Variants in TSPAN8 observed in about 807,000 individuals in gnomAD.
TSPAN8 encodes tetraspanin 8, also known as tetraspanin-8.
TSPAN8 carries 21 observed loss-of-function variants against 32.8 expected under a neutral mutation model. The ratio of observed to expected loss-of-function variants is 0.64; its 90% CI spans 0.45 to 0.92. TSPAN8 has a LOEUF of 0.92. Ranked by LOEUF, TSPAN8 falls within the 40% of genes least tolerant of loss-of-function variation. The pLI, the probability that TSPAN8 is intolerant of heterozygous loss-of-function variation, is 0.00. For missense variants in TSPAN8, 269 were observed against 281.9 expected (o/e 0.95, Z 0.33); for synonymous variants, 95 against 94.6 (o/e 1.00, Z -0.03).
Position 71,125,342 on chromosome 12 carries a change from T to C in TSPAN8, c.706A>G (p.Asn236Asp). 1 of 1,612,530 alleles carries C rather than the reference T, an allele frequency of 6.2e-7. No homozygotes were observed. The highest frequency in any genetic ancestry group is 8.5e-7 in the Non-Finnish European group (1 of 1,179,350). The change falls in exon 9 of 9, where the codon AAC becomes GAC. Residue 236 changes from asparagine to aspartate, a missense_variant. Transcript: ENST00000247829. ...TTGATGCATCCACAGATTCATTTGT[T>C]CCCGATCTGGCAATACAGGACCATA... ...FSMVLYCQIG[N>D]K
intron 2 of TSPAN8, among the ~76,000 whole-genome samples, chr12:71,149,429 T>C (rs1872177207): frequency 6.6e-6 from 1 of 151,926 alleles, no homozygotes; most frequent in Admixed American, 6.6e-5. Flanking sequence ...CCTGATGTAG[T>C]TCTGATCTAC....
At chr12:71,145,527 T>C (rs557542928) in intron 2 of TSPAN8, among the ~76,000 whole-genome samples, 2 of 152,140 alleles carry the variant, frequency 1.3e-5, no homozygotes, top group South Asian at 4.2e-4. Flanking sequence ...AAAATACAAA[T>C]GATTAAAAAA....
At position 71,144,109 on chromosome 12, in the gene TSPAN8, A is replaced by G. The variant is rs747941161; in HGVS notation, c.123+42T>C. On this transcript the variant is annotated intron_variant, in intron 3 of 8. Coordinates refer to ENST00000247829, the MANE Select transcript of TSPAN8 (RefSeq NM_004616.3). ...TAACTTTCATTATTATAAATGAAAT[A>G]AACTACATTGGGGAAAGGGTGACTT... is the stretch of plus-strand genomic sequence containing the variant. The G allele has an allele frequency of 5.1e-6, 8 of 1,553,778 alleles. No individual in the cohort carries two copies. The South Asian group carries it at 8.1e-5, about 16-fold the overall frequency.
At chr12:71,153,518 C>T (rs1299643606) in intron 2 of TSPAN8, among the ~76,000 whole-genome samples, 1 of 152,204 alleles carries the variant, frequency 6.6e-6, no homozygotes, top group South Asian at 2.1e-4. Flanking sequence ...ATCGGCTCTA[C>T]TTTGCAAAGG....
intron 3 of TSPAN8, among the ~76,000 whole-genome samples, chr12:71,140,719 C>T (rs1052132560): frequency 6.6e-6 from 1 of 152,198 alleles, no homozygotes; most frequent in Non-Finnish European, 1.5e-5. Flanking sequence ...CCTCAGCCAC[C>T]TCTTGTCCTC....
At chr12:71,142,253 G>T (rs1023196240) in intron 3 of TSPAN8, among the ~76,000 whole-genome samples, 1 of 152,130 alleles carries the variant, frequency 6.6e-6, no homozygotes, top group African/African-American at 2.4e-5. Flanking sequence ...GAGTCAAAAC[G>T]TAACTAAAGA....
At chr12:71,138,392 G>T (rs532019671) in intron 4 of TSPAN8, among the ~76,000 whole-genome samples, 162 bp from the exon 5 acceptor site, 1 of 152,106 alleles carries the variant, frequency 6.6e-6, no homozygotes, top group Non-Finnish European at 1.5e-5. Flanking sequence ...TGAAAATTTT[G>T]GGTTCATTAC....
chr12:71,141,542 T>G (rs1369577936), intron 3 of TSPAN8, among the ~76,000 whole-genome samples: 1 of 151,798 alleles, frequency 6.6e-6, no homozygotes, highest in African/African-American at 2.4e-5. Flanking sequence ...AAATAATAGT[T>G]CAAATATCTA....
At chr12:71,128,863 A>G (rs540261488) in intron 8 of TSPAN8, among the ~76,000 whole-genome samples, 18 of 152,296 alleles carry the variant, frequency 1.2e-4, no homozygotes, top group Admixed American at 2.0e-4. Flanking sequence ...CTAGAATGTA[A>G]TAAGTAACAA....
At chr12:71,145,064 T>C (rs11178656) in intron 2 of TSPAN8, among the ~76,000 whole-genome samples, 11,191 of 152,096 alleles carry the variant, frequency 0.074, 932 homozygotes, top group East Asian at 0.27. Context: ...ACAGCAGGCC[T>C]TGGGGGACTT....
At chr12:71,139,660 A>G (rs773842371) in intron 4 of TSPAN8, 51 bp downstream of exon 4, 1 of 1,593,212 alleles carries the variant, frequency 6.3e-7, no homozygotes, top group South Asian at 1.1e-5. Context: ...GATGGGAGAG[A>G]ATCCTCTGGA....
intron 2 of TSPAN8, among the ~76,000 whole-genome samples, chr12:71,148,494 A>G (rs1036847756): frequency 1.3e-5 from 2 of 152,218 alleles, no homozygotes; most frequent in Non-Finnish European, 2.9e-5. Context: ...ATTTAGGCAT[A>G]GATGTCTTCT....
In TSPAN8 at chr12:71,138,174, T is replaced by A. The variant is rs1393698275; in HGVS notation, c.318A>T (p.Gly106=). Residue 106 remains glycine, a synonymous_variant, in exon 5 of 9, where the codon GGA becomes GGT. Transcript: ENST00000247829. ...LLLQVATGIL[G]AVFKSKSDRI... ...CACACACCTTAGATTTGAAAACAGC[T>A]CCTAGGATACCTGTCGCCACCTGCA... 1.2e-6 allele frequency: 2 copies of A among 1,613,802 alleles called. No individual in the cohort carries two copies. The highest frequency in any genetic ancestry group is 3.3e-5 in the Admixed American group (2 of 59,976).
Position 71,125,135 on chromosome 12 carries a change from A to T in TSPAN8, c.*199T>A. The T allele has an allele frequency of 4.1e-6, 2 of 483,698 alleles. No individual in the cohort carries two copies. Among genetic ancestry groups the T allele is most frequent in the Non-Finnish European group, 7.3e-6 (2 of 272,544 alleles). 30.0% of individuals were successfully genotyped at this position (483,698 alleles called of 1,614,324 possible). On this transcript the variant is annotated 3_prime_UTR_variant, in exon 9 of 9. Transcript: ENST00000247829. ...ACTTTTATTTTGAGTAAAAATACAC[A>T]TTCATATCATTTTCCCTTATATCCC...
chr12:71,133,682 A>G (rs1384611631), intron 6 of TSPAN8, among the ~76,000 whole-genome samples: 2 of 152,208 alleles, frequency 1.3e-5, no homozygotes, highest in Non-Finnish European at 2.9e-5. Flanking sequence ...AGCTCTTAGA[A>G]TGTCAGGAAA....
intron 2 of TSPAN8, among the ~76,000 whole-genome samples, chr12:71,152,181 G>T (rs1054455778): frequency 6.6e-6 from 1 of 152,118 alleles, no homozygotes; most frequent in African/African-American, 2.4e-5. Flanking sequence ...TCCAAAGACT[G>T]GAGCATGCAA....
At chr12:71,130,202 C>G (rs549559181) in intron 7 of TSPAN8, among the ~76,000 whole-genome samples, 1 of 152,140 alleles carries the variant, frequency 6.6e-6, no homozygotes, top group Non-Finnish European at 1.5e-5. Flanking sequence ...AATCCACCGG[C>G]CTCAGCCTCT....
At chr12:71,147,218 CG>C (rs1367690553) in intron 2 of TSPAN8, among the ~76,000 whole-genome samples, 2 of 151,958 alleles carry the variant, frequency 1.3e-5, no homozygotes, top group Non-Finnish European at 2.9e-5. Flanking sequence ...AAAAAGGGGG[CG>C]GGGGAAGATA....
intron 8 of TSPAN8, among the ~76,000 whole-genome samples, chr12:71,127,503 G>A (rs1871384252): frequency 6.6e-6 from 1 of 152,042 alleles, no homozygotes. Flanking sequence ...CAATTAATTT[G>A]ACTTCTCGAA....
Sources: allele counts gnomAD v4.1 joint callset (sites outside exome capture counted in the v4.1 genomes callset), GRCh38; gene constraint gnomAD v4.1.1; transcripts MANE v1.5; gene names NCBI Gene and HGNC (gene_info 2026-07-23, HGNC 2026-07-21).